Variants in MAP4 observed in about 807,000 individuals in gnomAD.
MAP4 encodes microtubule associated protein 4.
A neutral mutation model predicts 170.2 loss-of-function variants in MAP4; 76 were observed. That is an observed-to-expected ratio of 0.45 (90% CI 0.37 to 0.54). The LOEUF (loss-of-function observed/expected upper bound fraction) is 0.54. Ranked by LOEUF, MAP4 falls within the 20% of genes least tolerant of loss-of-function variation. The probability of loss-of-function intolerance (pLI) is 0.00; values close to 1 mark genes in which losing one functional copy is unlikely to be tolerated. For synonymous variants in MAP4, 909 were observed against 994.5 expected, an observed-to-expected ratio of 0.91 and a Z score of 1.62; for missense variants, 2,506 against 2,748.0, an observed-to-expected ratio of 0.91 and a Z score of 1.97.
Position 47,853,255 on chromosome 3 carries a change from G to A in MAP4, c.6794C>T (p.Thr2265Ile), listed in dbSNP as rs751566893. Reference sequence around the variant, plus strand: ...GTGGCCATTGAGGCCACTGGCTGAAGTGGGGGCGCCAGCTTCAGGCGCTGC... The same window carrying A: ...GTGGCCATTGAGGCCACTGGCTGAAATGGGGGCGCCAGCTTCAGGCGCTGC... ...SEAAPEAGAPTSASGLNGHPT... is the reference protein window; with the variant it reads ...SEAAPEAGAPISASGLNGHPT... Residue 2265 changes from threonine (T) to isoleucine (I), a missense_variant, in exon 20 of 21, where the codon ACT becomes ATT. Thr to Ile is a moderately conservative substitution (Grantham distance 89). Coordinates refer to ENST00000683076, the MANE Select transcript of MAP4 (RefSeq NM_001385682.1). 1 of 1,593,484 alleles carries A rather than the reference G, an allele frequency of 6.3e-7. No homozygotes were observed. The highest frequency in any genetic ancestry group is 8.6e-7 in the Non-Finnish European group (1 of 1,168,676).
rs143407954 is a variant in MAP4 at position 47,905,343 on chromosome 3, A to G, written c.5384-2343T>C. On this transcript the variant is annotated intron_variant, in intron 9 of 20. Coordinates refer to ENST00000683076, the MANE Select transcript of MAP4 (RefSeq NM_001385682.1). ...AGGGGTTGGGCTAGCCCTATTAGAT[A>G]TTAAAATATATTAGGAAGCCTGGTG... Among the ~76,000 whole-genome samples, 50 of 152,330 alleles carry G rather than the reference A, an allele frequency of 3.3e-4. No homozygotes were observed. In the East Asian group the frequency reaches 6.7e-3, roughly 21 times the overall value.
chr3:48,037,567 G>T (rs1038039489), intron 1 of MAP4, among the ~76,000 whole-genome samples: 1 of 151,872 alleles, frequency 6.6e-6, no homozygotes, highest in African/African-American at 2.4e-5. Flanking sequence ...GCTAATTTTT[G>T]TATTTTTTGT....
At chr3:47,889,934 A>AT (rs1399535832) in intron 10 of MAP4, among the ~76,000 whole-genome samples, 2 of 151,160 alleles carry the variant, frequency 1.3e-5, no homozygotes, top group Non-Finnish European at 2.9e-5. Context: ...TTTTATCTCC[A>AT]TAAAAAAAAA....
At chr3:48,024,171 G>A (rs907019278) in intron 1 of MAP4, among the ~76,000 whole-genome samples, 2 of 152,174 alleles carry the variant, frequency 1.3e-5, no homozygotes, top group South Asian at 2.1e-4. Flanking sequence ...TTAGCTGGGC[G>A]TGGTGGAGCG....
At chr3:48,002,180 G>A (rs912924280) in intron 1 of MAP4, among the ~76,000 whole-genome samples, 1 of 151,196 alleles carries the variant, frequency 6.6e-6, no homozygotes, top group Non-Finnish European at 1.5e-5. Context: ...ACAACTCCAG[G>A]TGTGGAGCCA....
intron 3 of MAP4, among the ~76,000 whole-genome samples, chr3:47,952,658 T>TA (rs200706776): frequency 1.5e-4 from 22 of 144,964 alleles, no homozygotes; most frequent in East Asian, 6.0e-4. Flanking sequence ...ATAAATAAAT[T>TA]AAAAAAAAAA....
intron 1 of MAP4, among the ~76,000 whole-genome samples, chr3:48,081,540 G>A (rs1026479812): frequency 6.6e-6 from 1 of 151,898 alleles, no homozygotes; most frequent in Non-Finnish European, 1.5e-5. Context: ...TATTAGAGTT[G>A]AAAAAATTAG....
intron 1 of MAP4, among the ~76,000 whole-genome samples, chr3:48,056,633 G>A (rs1360528007): frequency 8.4e-6 from 1 of 119,730 alleles, no homozygotes; most frequent in African/African-American, 4.0e-5. Context: ...TCAGCCCCCC[G>A]CCCGGCCAGC....
chr3:47,907,230 C>A (rs1426844239), intron 9 of MAP4, among the ~76,000 whole-genome samples: 1 of 152,086 alleles, frequency 6.6e-6, no homozygotes, highest in Admixed American at 6.5e-5. Flanking sequence ...TATATGAAAT[C>A]AGGAAATATA....
In MAP4 at chr3:47,998,671, T is replaced by C. The variant is rs1383012939; in HGVS notation, c.190A>G (p.Lys64Glu). The part of the protein sequence containing the change: ...DEKTGNSESK[K>E]KPCSETSQIE... ...TGGCTAGTTTCTGAGCACGGTTTCT[T>C]CTTTGACTCTGAGTTCCCGGTTTTC... is the stretch of plus-strand genomic sequence containing the variant. Residue 64 changes from lysine to glutamate, a missense_variant, in exon 2 of 21, where the codon AAG becomes GAG. This residue lies in a region of MAP4 where 2,008 missense variants were observed against 2,206.0 expected (regional missense o/e 0.91). Transcript: ENST00000683076. The C allele has an allele frequency of 6.2e-7, 1 of 1,614,058 alleles. No homozygotes were observed. Among genetic ancestry groups the C allele is most frequent in the Non-Finnish European group, 8.5e-7 (1 of 1,180,018 alleles).
chr3:47,941,801 A>G (rs1031186082), intron 3 of MAP4, among the ~76,000 whole-genome samples: 4 of 151,888 alleles, frequency 2.6e-5, no homozygotes, highest in Admixed American at 6.6e-5. Context: ...AAAAAAAAAA[A>G]AAGGCGAAAA....
At chr3:48,074,970 A>G (rs929929048) in intron 1 of MAP4, among the ~76,000 whole-genome samples, 5 of 152,144 alleles carry the variant, frequency 3.3e-5, no homozygotes, top group African/African-American at 9.7e-5. Flanking sequence ...CCCTATCAAA[A>G]TTCCAACTGC....
chr3:47,905,112 G>A (rs2100032213), intron 9 of MAP4, among the ~76,000 whole-genome samples: 1 of 152,160 alleles, frequency 6.6e-6, no homozygotes, highest in Admixed American at 6.6e-5. Context: ...TTCAAAGTGA[G>A]GAACAAAGAT....
intron 10 of MAP4, among the ~76,000 whole-genome samples, chr3:47,885,256 G>A (rs1257512108): frequency 1.3e-5 from 2 of 152,094 alleles, no homozygotes; most frequent in African/African-American, 2.4e-5. Flanking sequence ...GGGGATGGAC[G>A]CAGTGGCTCA....
chr3:47,879,158 A>G (rs1474224280), intron 10 of MAP4, among the ~76,000 whole-genome samples: 5 of 152,186 alleles, frequency 3.3e-5, no homozygotes, highest in Non-Finnish European at 5.9e-5. Context: ...TATGGTAGAA[A>G]TATCAATGTA....
intron 3 of MAP4, 112 bp from the exon 4 acceptor site, chr3:47,928,462 G>T: frequency 1.8e-6 from 2 of 1,104,156 alleles, no homozygotes; most frequent in Non-Finnish European, 2.6e-6. Context: ...ATCCTATCTA[G>T]CTAGTGTCTT....
chr3:47,915,900 G>A (rs770939781), intron 7 of MAP4, 51 bp downstream of exon 7: 9 of 1,550,280 alleles, frequency 5.8e-6, no homozygotes, highest in East Asian at 2.2e-5. Context: ...TAGTCTTCTC[G>A]AGACTACAAC....
intron 2 of MAP4, among the ~76,000 whole-genome samples, chr3:47,992,596 A>G (rs991088595): frequency 1.3e-5 from 2 of 152,062 alleles, no homozygotes; most frequent in Admixed American, 6.6e-5. Context: ...CCCAGCTATA[A>G]TTATAAACTT....
intron 3 of MAP4, among the ~76,000 whole-genome samples, chr3:47,971,114 T>A (rs1449252476): frequency 6.6e-6 from 1 of 152,206 alleles, no homozygotes; most frequent in Non-Finnish European, 1.5e-5. Context: ...TAAGAAACAT[T>A]ACGTGCTGTT....
Sources: gnomAD v4.1 joint callset for allele counts (sites outside exome capture counted in the v4.1 genomes callset) on GRCh38, gnomAD v4.1.1 for gene constraint, gnomAD v4.1.1 regional missense constraint, MANE v1.5 for transcripts, NCBI Gene and HGNC (gene_info 2026-07-23, HGNC 2026-07-21) for gene names.